ANK1: variants seen among roughly 807,000 people sequenced by gnomAD.
The protein encoded by ANK1 is ankyrin-1.
ANK1 carries 51 observed loss-of-function variants against 210.4 expected under a neutral mutation model. That is an observed-to-expected ratio of 0.24 (90% CI 0.19 to 0.31). The LOEUF (loss-of-function observed/expected upper bound fraction) is 0.31. Ranked by LOEUF, ANK1 falls within the 10% of genes least tolerant of loss-of-function variation. The pLI is 1.00. For missense variants in ANK1, 2,051 were observed against 2,504.4 expected (o/e 0.82, Z 3.86); for synonymous variants, 967 against 1,025.9 (o/e 0.94, Z 1.10).
At chr8:41,848,954 C>G (rs1377400107) in intron 1 of ANK1, among the ~76,000 whole-genome samples, 2 of 152,178 alleles carry the variant, frequency 1.3e-5, no homozygotes, top group African/African-American at 4.8e-5. Context: ...GTGCGACCTG[C>G]CCCCATCCAC....
At chr8:41,669,210 A>G (rs951916234) in intron 38 of ANK1, among the ~76,000 whole-genome samples, 1 of 150,880 alleles carries the variant, frequency 6.6e-6, no homozygotes, top group Non-Finnish European at 1.5e-5. Context: ...CCATCTCTAC[A>G]CTCAGCGTGC....
intron 1 of ANK1, chr8:41,828,999 C>CTTT (rs1178427170): frequency 2.6e-5 from 4 of 152,314 alleles, no homozygotes; most frequent in African/African-American, 9.6e-5. Flanking sequence ...CATCTTGATT[C>CTTT]CACCGCCGCA....
rs1371378783 is a variant in ANK1 at position 41,827,724 on chromosome 8, TCA to T, written c.126+68629_126+68630del. On this transcript the variant is annotated intron_variant, in intron 1 of 42. Transcript: ENST00000265709. ...CACTCACACGCACACCCACTCACAC[TCA>T]CACACATCCACACACGCATACATAC... 7.2e-3 allele frequency among the ~76,000 whole-genome samples: 642 copies of T among 89,610 alleles called. 11 individuals are homozygous for T. Among genetic ancestry groups the T allele is most frequent in the African/African-American group, 0.037 (601 of 16,252 alleles). The allele number at this position is 89,610 out of a possible 152,430, so 58.8% of individuals were successfully genotyped here. A position where few individuals can be genotyped will look rare whatever the true frequency, so the allele number is the denominator to read the frequency against.
chr8:41,851,748 TCA>T (rs1811291986), intron 1 of ANK1, among the ~76,000 whole-genome samples: 1 of 152,174 alleles, frequency 6.6e-6, no homozygotes, highest in Non-Finnish European at 1.5e-5. Context: ...TCCCAGCTCC[TCA>T]GGAGGCTGAG....
intron 22 of ANK1, 81 bp from the exon 23 acceptor site, chr8:41,699,629 C>T: frequency 7.4e-7 from 1 of 1,350,784 alleles, no homozygotes; most frequent in Non-Finnish European, 1.1e-6. Context: ...TGTTCCCGCT[C>T]CGCCTCTGGG....
chr8:41,740,886 C>T (rs1339894506), intron 2 of ANK1, among the ~76,000 whole-genome samples: 1 of 152,202 alleles, frequency 6.6e-6, no homozygotes, highest in Non-Finnish European at 1.5e-5. Flanking sequence ...CACACCTGGA[C>T]AGCACTGGAT....
chr8:41,823,967 G>A (rs1244155370), intron 1 of ANK1, among the ~76,000 whole-genome samples: 1 of 151,844 alleles, frequency 6.6e-6, no homozygotes, highest in Non-Finnish European at 1.5e-5. Flanking sequence ...GTTTTGTCTT[G>A]TTTTGTTTTT....
chr8:41,800,454 G>A (rs1056338876), upstream of ANK1, among the ~76,000 whole-genome samples: 5 of 152,076 alleles, frequency 3.3e-5, no homozygotes, highest in Non-Finnish European at 5.9e-5. Flanking sequence ...TTAGATTAAC[G>A]CTTTAATTCA....
chr8:41,782,212 CTG>C (rs1474655077), intron 1 of ANK1, among the ~76,000 whole-genome samples: 2 of 152,184 alleles, frequency 1.3e-5, no homozygotes, highest in Non-Finnish European at 1.5e-5. Flanking sequence ...GGAAAAATAA[CTG>C]AATATTTCCA....
chr8:41,709,248 T>G (rs1414955395), intron 16 of ANK1, among the ~76,000 whole-genome samples: 3 of 152,216 alleles, frequency 2.0e-5, no homozygotes, highest in Non-Finnish European at 4.4e-5. Context: ...AGGAAGAGAA[T>G]AACAGGAAGG....
chr8:41,776,412 T>C (rs1331869359), intron 1 of ANK1, among the ~76,000 whole-genome samples: 1 of 152,102 alleles, frequency 6.6e-6, no homozygotes, highest in African/African-American at 2.4e-5. Context: ...CTTGAATCAA[T>C]AATCCCAGTC....
At chr8:41,736,533 G>A (rs565529356) in intron 2 of ANK1, among the ~76,000 whole-genome samples, 40 of 152,312 alleles carry the variant, frequency 2.6e-4, no homozygotes, top group Non-Finnish European at 5.1e-4. Context: ...TGGAGTGACA[G>A]CCCGGCAGCT....
intron 1 of ANK1, among the ~76,000 whole-genome samples, chr8:41,832,457 AC>A (rs1288213874): frequency 6.6e-6 from 1 of 151,298 alleles, no homozygotes; most frequent in Non-Finnish European, 1.5e-5. Flanking sequence ...AGATATTAAC[AC>A]CCCCTCCTCC....
intron 3 of ANK1, among the ~76,000 whole-genome samples, chr8:41,732,820 C>G (rs181955387): frequency 6.6e-6 from 1 of 152,092 alleles, no homozygotes; most frequent in African/African-American, 2.4e-5. Context: ...CCTCCACCTC[C>G]GCTTGAGGCA....
chr8:41,666,614 C>T (rs1049933925), intron 39 of ANK1, among the ~76,000 whole-genome samples: 1 of 152,244 alleles, frequency 6.6e-6, no homozygotes, highest in African/African-American at 2.4e-5. Context: ...CTCTCTATCT[C>T]CATCACTGTT....
At chr8:41,664,675 G>A (rs1037814346) in intron 39 of ANK1, 5 of 903,150 alleles carry the variant, frequency 5.5e-6, no homozygotes, top group East Asian at 5.3e-5. Context: ...ATGATCCCTG[G>A]GGGCCTCCTG....
chr8:41,871,040 G>A (rs1229614943), intron 1 of ANK1, among the ~76,000 whole-genome samples: 3 of 152,128 alleles, frequency 2.0e-5, no homozygotes, highest in Non-Finnish European at 2.9e-5. Context: ...TGCAGCCTCC[G>A]GGTCCCATGG....
At chr8:41,721,518 G>A (rs979116505) in intron 9 of ANK1, among the ~76,000 whole-genome samples, 3 of 151,984 alleles carry the variant, frequency 2.0e-5, no homozygotes, top group Non-Finnish European at 2.9e-5. Context: ...TAGGCCAGGC[G>A]TGGTGGCATT....
chr8:41,724,722 A>C (rs540979458), intron 6 of ANK1, among the ~76,000 whole-genome samples, 168 bp from the exon 7 acceptor site: 249 of 152,300 alleles, frequency 1.6e-3, no homozygotes, highest in Middle Eastern at 6.8e-3. Context: ...TTTATGGCAC[A>C]GTGTATTCAA....
Sources: allele counts gnomAD v4.1 joint callset (sites outside exome capture counted in the v4.1 genomes callset), GRCh38; gene constraint gnomAD v4.1.1; transcripts MANE v1.5; gene names NCBI Gene and HGNC (gene_info 2026-07-23, HGNC 2026-07-21).